Variants in CSMD1 observed in about 807,000 individuals in gnomAD.
The protein encoded by CSMD1 is CUB and Sushi multiple domains 1.
In CSMD1, 213 loss-of-function variants were observed where a neutral mutation model predicts 417.5. The observed-to-expected ratio is 0.51, with a 90% CI of 0.46 to 0.57. The LOEUF is 0.57. Among genes scored for constraint, CSMD1 ranks in the 20% least tolerant of loss-of-function variants. The probability of loss-of-function intolerance (pLI) is 0.00; values close to 1 mark genes in which losing one functional copy is unlikely to be tolerated. For missense variants in CSMD1, 6,923 were observed against 4,529.7 expected (o/e 1.53, Z -15.17); for synonymous variants, 2,862 against 1,736.8 (o/e 1.65, Z -16.11).
rs951246373 is a variant in CSMD1, at chr8:3,311,898, T to G, written c.3632-3395A>C. ...ATAAGCTCTACAAGTAGTTTATAGC[T>G]ATTAATGCTTTAAACGTTATCCAGA... is the stretch of plus-strand genomic sequence containing the variant. On this transcript the variant is annotated intron_variant, in intron 23 of 69. Coordinates refer to ENST00000635120, the MANE Select transcript of CSMD1 (RefSeq NM_033225.6). Among the ~76,000 whole-genome samples, 4 of 152,350 alleles carry G rather than the reference T, an allele frequency of 2.6e-5. No homozygotes were observed. In the East Asian group the frequency reaches 7.7e-4, roughly 29 times the overall value.
intron 50 of CSMD1, among the ~76,000 whole-genome samples, chr8:3,032,594 C>T (rs891310805): frequency 1.3e-5 from 2 of 151,952 alleles, no homozygotes; most frequent in African/African-American, 4.8e-5. Context: ...ATTTTACAAC[C>T]CCCAAACACC....
intron 3 of CSMD1, among the ~76,000 whole-genome samples, chr8:4,032,457 A>T (rs755729506): frequency 5.9e-5 from 9 of 152,240 alleles, no homozygotes; most frequent in Non-Finnish European, 1.3e-4. Context: ...GCAACCAGAC[A>T]CAGTAGACTA....
chr8:3,578,322 T>C (rs1209315510), intron 9 of CSMD1, among the ~76,000 whole-genome samples: 1 of 152,106 alleles, frequency 6.6e-6, no homozygotes. Flanking sequence ...GTGTCCTTGC[T>C]CAGGGAGCTT....
intron 27 of CSMD1, among the ~76,000 whole-genome samples, chr8:3,226,320 C>T (rs1057114480): frequency 5.3e-5 from 8 of 152,116 alleles, no homozygotes; most frequent in African/African-American, 1.2e-4. Context: ...TGGTGGCTCA[C>T]GCTTGTAATC....
chr8:4,652,553 G>T (rs1803964903), intron 1 of CSMD1, among the ~76,000 whole-genome samples: 1 of 152,036 alleles, frequency 6.6e-6, no homozygotes, highest in Non-Finnish European at 1.5e-5. Flanking sequence ...TCAGCAGGTT[G>T]AGGCAGGAGA....
chr8:3,325,420 G>T (rs113964573), intron 23 of CSMD1, among the ~76,000 whole-genome samples: 32 of 152,318 alleles, frequency 2.1e-4, no homozygotes, highest in African/African-American at 7.2e-4. Flanking sequence ...CCTTGAGTTG[G>T]ATCCTCATAA....
chr8:3,826,676 A>G (rs1163863142), intron 5 of CSMD1, among the ~76,000 whole-genome samples: 2 of 152,196 alleles, frequency 1.3e-5, no homozygotes, highest in Non-Finnish European at 2.9e-5. Flanking sequence ...GTTTTGAGGA[A>G]CCAACTCTGA....
At chr8:3,301,887 G>A (rs1804437228) in intron 25 of CSMD1, among the ~76,000 whole-genome samples, 1 of 152,144 alleles carries the variant, frequency 6.6e-6, no homozygotes, top group Non-Finnish European at 1.5e-5. Context: ...AAGAAGAAAG[G>A]AAACATAAAG....
intron 12 of CSMD1, among the ~76,000 whole-genome samples, chr8:3,442,154 G>C (rs947729753): frequency 7.2e-5 from 11 of 151,842 alleles, no homozygotes; most frequent in Non-Finnish European, 1.3e-4. Context: ...TGTACAATGT[G>C]TTTTAGGCTA....
chr8:4,734,231 G>C (rs1810081256), intron 1 of CSMD1, among the ~76,000 whole-genome samples: 1 of 152,044 alleles, frequency 6.6e-6, no homozygotes, highest in Non-Finnish European at 1.5e-5. Context: ...GATGTGTTTT[G>C]ATTTTCTAGC....
At chr8:3,867,307 T>A (rs1380297768) in intron 5 of CSMD1, among the ~76,000 whole-genome samples, 1 of 152,202 alleles carries the variant, frequency 6.6e-6, no homozygotes, top group Non-Finnish European at 1.5e-5. Flanking sequence ...ATGACCAGTC[T>A]AATGATTACC....
intron 3 of CSMD1, among the ~76,000 whole-genome samples, chr8:4,091,002 T>G (rs917589493): frequency 6.6e-6 from 1 of 150,768 alleles, no homozygotes; most frequent in African/African-American, 2.4e-5. Flanking sequence ...CACTGCAACC[T>G]CCACCTCCTG....
intron 1 of CSMD1, among the ~76,000 whole-genome samples, chr8:4,750,062 A>G (rs545613540): frequency 2.0e-5 from 3 of 150,436 alleles, no homozygotes; most frequent in Non-Finnish European, 3.0e-5. Flanking sequence ...GCTGGAGTGC[A>G]GTGGGCGATC....
chr8:4,390,352 T>C (rs1803758139), intron 3 of CSMD1, among the ~76,000 whole-genome samples: 1 of 152,066 alleles, frequency 6.6e-6, no homozygotes, highest in Non-Finnish European at 1.5e-5. Context: ...ACCATAATAA[T>C]ACCACATTCC....
At chr8:4,837,062 G>T (rs932411793) in intron 1 of CSMD1, among the ~76,000 whole-genome samples, 1 of 152,014 alleles carries the variant, frequency 6.6e-6, no homozygotes, top group South Asian at 2.1e-4. Flanking sequence ...ATAAGACAGG[G>T]CTCTGGGACA....
At chr8:4,796,816 T>C (rs575710282) in intron 1 of CSMD1, among the ~76,000 whole-genome samples, 1 of 152,190 alleles carries the variant, frequency 6.6e-6, no homozygotes, top group Non-Finnish European at 1.5e-5. Flanking sequence ...TGCATGTTTA[T>C]CTTGTGCAGT....
Position 4,800,332 on chromosome 8 carries a change from G to GAGGC in CSMD1, c.86-162778_86-162775dup, listed in dbSNP as rs367583154. ...TGTAATCCCACCTACTCGTGAGGCTGAGGCAGGAAGATTTCTTGAACCTGG... is the reference window on the plus strand; with the variant it reads ...TGTAATCCCACCTACTCGTGAGGCTGAGGCAGGCAGGAAGATTTCTTGAACCTGG... On this transcript the variant is annotated intron_variant, in intron 1 of 69. Transcript: ENST00000635120. 5.0e-3 allele frequency among the ~76,000 whole-genome samples: 752 copies of GAGGC among 151,666 alleles called. 2 individuals are homozygous for GAGGC. The highest frequency in any genetic ancestry group is 0.017 in the African/African-American group (692 of 41,308).
At chr8:3,295,339 G>C (rs1405274863) in intron 25 of CSMD1, among the ~76,000 whole-genome samples, 1 of 151,966 alleles carries the variant, frequency 6.6e-6, no homozygotes, top group South Asian at 2.1e-4. Flanking sequence ...TGTTAGCCAG[G>C]AAGGTCTCGA....
rs1811295621 is a variant in CSMD1 at position 4,988,499 on chromosome 8, T to C, written c.85+5833A>G. Among the ~76,000 whole-genome samples, 3 of 152,200 alleles carry C rather than the reference T, an allele frequency of 2.0e-5. No homozygotes were observed. In the South Asian group the frequency reaches 6.2e-4, roughly 32 times the overall value. On this transcript the variant is annotated intron_variant, in intron 1 of 69. Transcript: ENST00000635120. Reference sequence around the variant, plus strand: ...TTTCATTCCCCAAAGAAATTTTAGATGGGGATAAATGTTGCCACCGTAGGT... The same window carrying C: ...TTTCATTCCCCAAAGAAATTTTAGACGGGGATAAATGTTGCCACCGTAGGT...
Sources: gnomAD v4.1 joint callset for allele counts (sites outside exome capture counted in the v4.1 genomes callset) on GRCh38, gnomAD v4.1.1 for gene constraint, MANE v1.5 for transcripts, NCBI Gene and HGNC (gene_info 2026-07-23, HGNC 2026-07-21) for gene names.